The following FMN2 variants were observed in gnomAD, a reference collection of about 807,000 sequenced individuals.
FMN2 encodes formin 2, also known as formin-2.
Under a neutral mutation model 142.3 loss-of-function variants are expected in FMN2, and 51 were observed. The ratio of observed to expected loss-of-function variants is 0.36; its 90% CI spans 0.29 to 0.45. The LOEUF is 0.45. Ranked by LOEUF, FMN2 falls within the 20% of genes least tolerant of loss-of-function variation. The pLI is 1.00. For missense variants in FMN2, 1,936 were observed against 2,122.8 expected (o/e 0.91, Z 1.73); for synonymous variants, 882 against 869.8 (o/e 1.01, Z -0.25).
At chr1:240,174,248 G>T (rs1283772283) in intron 2 of FMN2, among the ~76,000 whole-genome samples, 1 of 152,184 alleles carries the variant, frequency 6.6e-6, no homozygotes, top group South Asian at 2.1e-4. Context: ...GTTTTCTGGG[G>T]CTGTGTAGAA....
intron 2 of FMN2, among the ~76,000 whole-genome samples, chr1:240,148,311 G>T (rs377473522): frequency 2.3e-5 from 1 of 43,374 alleles, no homozygotes; most frequent in Admixed American, 2.8e-4. Flanking sequence ...GAGAGAGAGA[G>T]ACAGACAGAA....
At chr1:240,444,034 G>C (rs981499696) in intron 16 of FMN2, among the ~76,000 whole-genome samples, 1 of 152,156 alleles carries the variant, frequency 6.6e-6, no homozygotes, top group African/African-American at 2.4e-5. Context: ...CCCTGATTGA[G>C]AGGCTATGGT....
At chr1:240,318,389 G>A (rs1484984836) in intron 8 of FMN2, among the ~76,000 whole-genome samples, 1 of 152,146 alleles carries the variant, frequency 6.6e-6, no homozygotes, top group Non-Finnish European at 1.5e-5. Context: ...CTGGAGGAAG[G>A]AAACTGGCTT....
intron 15 of FMN2, among the ~76,000 whole-genome samples, chr1:240,406,817 G>T (rs1674221642): frequency 6.6e-6 from 1 of 152,138 alleles, no homozygotes; most frequent in Non-Finnish European, 1.5e-5. Flanking sequence ...TAAAATCAAT[G>T]TAAGGAAGGA....
chr1:240,188,093 A>AT (rs1665555640), intron 3 of FMN2, 114 bp from the exon 4 acceptor site: 3 of 946,412 alleles, frequency 3.2e-6, no homozygotes, highest in Non-Finnish European at 4.8e-6. Flanking sequence ...GAGACTGGAT[A>AT]TTTTTTGGTA....
At chr1:240,277,902 G>A (rs1370893222) in intron 7 of FMN2, among the ~76,000 whole-genome samples, 1 of 151,938 alleles carries the variant, frequency 6.6e-6, no homozygotes, top group Admixed American at 6.6e-5. Flanking sequence ...TAGATGTCTG[G>A]TAAACAATAA....
chr1:240,283,636 C>T lies in FMN2; in HGVS notation c.4154-11186C>T, dbSNP rs546673169. Among the ~76,000 whole-genome samples the T allele has an allele frequency of 2.0e-5, 3 of 152,272 alleles. No homozygotes were observed. The South Asian group carries it at 6.2e-4, about 32-fold the overall frequency. On this transcript the variant is annotated intron_variant, in intron 7 of 17. Transcript: ENST00000319653. ...CTAAGACAAGATCCCTGCTATTAGGCTCTTAAAAATCTTCTTGGAGCGACC... is the reference window on the plus strand; with the variant it reads ...CTAAGACAAGATCCCTGCTATTAGGTTCTTAAAAATCTTCTTGGAGCGACC...
At chr1:240,451,101 C>T (rs928855277) in intron 16 of FMN2, among the ~76,000 whole-genome samples, 1 of 152,132 alleles carries the variant, frequency 6.6e-6, no homozygotes, top group African/African-American at 2.4e-5. Context: ...GGCGCAGTGG[C>T]TCACGCCTGT....
intron 2 of FMN2, among the ~76,000 whole-genome samples, chr1:240,137,807 T>C (rs1037379195): frequency 2.0e-5 from 3 of 152,032 alleles, no homozygotes; most frequent in African/African-American, 7.2e-5. Flanking sequence ...CAAATGGTAC[T>C]GTGGCCAGGG....
chr1:240,132,631 T>C (rs973025036), intron 2 of FMN2, among the ~76,000 whole-genome samples: 5 of 152,060 alleles, frequency 3.3e-5, no homozygotes, highest in African/African-American at 1.2e-4. Context: ...CCTTGACATG[T>C]GAAGGCTATA....
At chr1:240,368,742 C>G (rs1489540149) in intron 14 of FMN2, among the ~76,000 whole-genome samples, 3 of 152,010 alleles carry the variant, frequency 2.0e-5, no homozygotes, top group Non-Finnish European at 4.4e-5. Context: ...AATGTCATTT[C>G]ACAAAGGGGC....
rs887286209 is a variant in FMN2, at chr1:240,307,291, T to C, written c.4215+12408T>C. Among the ~76,000 whole-genome samples, 11 of 152,212 alleles carry C rather than the reference T, an allele frequency of 7.2e-5. No homozygotes were observed. In the South Asian group the frequency reaches 1.0e-3, roughly 14 times the overall value. ...CTATTTTTGGTTTTGTTGCATTTGT[T>C]TTTAGGGTTTCATCATAAATGTTTG... On this transcript the variant is annotated intron_variant, in intron 8 of 17. Transcript: ENST00000319653.
chr1:240,229,392 T>C (rs1667460089), intron 6 of FMN2, among the ~76,000 whole-genome samples: 1 of 152,182 alleles, frequency 6.6e-6, no homozygotes, highest in African/African-American at 2.4e-5. Context: ...CGTGCTGTGA[T>C]GTTTGATCTT....
chr1:240,197,789 C>T (rs12035404), intron 4 of FMN2, among the ~76,000 whole-genome samples: 47,545 of 146,254 alleles, frequency 0.33, 7,831 homozygotes, highest in African/African-American at 0.43. Context: ...CTGCCTCAGC[C>T]TCCAGAGTAG....
At chr1:240,467,311 A>G (rs1012254004) in intron 16 of FMN2, among the ~76,000 whole-genome samples, 17 of 146,952 alleles carry the variant, frequency 1.2e-4, no homozygotes, top group African/African-American at 3.6e-4. Flanking sequence ...GTCTCACTCT[A>G]TTGCCCAGGC....
chr1:240,266,611 A>G (rs1478814166), intron 7 of FMN2, among the ~76,000 whole-genome samples: 2 of 152,082 alleles, frequency 1.3e-5, no homozygotes, highest in Non-Finnish European at 2.9e-5. Flanking sequence ...CCAGGCCACC[A>G]TTGATGCACA....
chr1:240,105,069 A>AGTTTCCAG (rs1661553511), intron 1 of FMN2, among the ~76,000 whole-genome samples: 1 of 136,354 alleles, frequency 7.3e-6, no homozygotes, highest in Admixed American at 7.3e-5. Context: ...CTGTCAGATT[A>AGTTTCCAG]GTTTCCAGAA....
intron 2 of FMN2, among the ~76,000 whole-genome samples, chr1:240,141,286 A>G (rs1663170745): frequency 6.6e-6 from 1 of 152,194 alleles, no homozygotes; most frequent in South Asian, 2.1e-4. Context: ...GACAAGAGTG[A>G]AGCTTAGCAT....
chr1:240,109,591 A>G (rs1461741250), intron 1 of FMN2, among the ~76,000 whole-genome samples: 1 of 152,134 alleles, frequency 6.6e-6, no homozygotes, highest in Non-Finnish European at 1.5e-5. Context: ...TCTTCAAGAA[A>G]AAGTGCCTAC....
Sources: allele counts gnomAD v4.1 joint callset (sites outside exome capture counted in the v4.1 genomes callset), GRCh38; gene constraint gnomAD v4.1.1; transcripts MANE v1.5; gene names NCBI Gene and HGNC (gene_info 2026-07-23, HGNC 2026-07-21).